PTPRT: variants seen among roughly 807,000 people sequenced by gnomAD.
PTPRT encodes the protein protein tyrosine phosphatase receptor type T.
PTPRT carries 56 observed loss-of-function variants against 176.8 expected under a neutral mutation model. That is an observed-to-expected ratio of 0.32 (90% CI 0.26 to 0.40). The LOEUF (loss-of-function observed/expected upper bound fraction) is 0.40, where lower values mean the gene tolerates loss of function less well. PTPRT is among the 10% of genes least tolerant of loss of function. PTPRT has a pLI of 1.00. For missense variants in PTPRT, 1,540 were observed against 1,908.2 expected (o/e 0.81, Z 3.60); for synonymous variants, 783 against 739.0 (o/e 1.06, Z -0.96).
intron 1 of PTPRT, among the ~76,000 whole-genome samples, chr20:42,935,711 C>A (rs1045671764): frequency 6.6e-6 from 1 of 152,142 alleles, no homozygotes; most frequent in Non-Finnish European, 1.5e-5. Flanking sequence ...CTAGTCCGGT[C>A]TAGTCTAGTC....
intron 9 of PTPRT, among the ~76,000 whole-genome samples, chr20:42,357,611 T>C (rs1235658642): frequency 6.6e-6 from 1 of 152,120 alleles, no homozygotes; most frequent in Non-Finnish European, 1.5e-5. Flanking sequence ...TGTCCATGAG[T>C]GGCTTTGGCT....
At chr20:42,914,653 C>CG (rs1978616504) in intron 1 of PTPRT, among the ~76,000 whole-genome samples, 1 of 152,100 alleles carries the variant, frequency 6.6e-6, no homozygotes, top group Admixed American at 6.5e-5. Flanking sequence ...GAAACACAAA[C>CG]GGATCAGTGC....
the PTPRT span, among the ~76,000 whole-genome samples, chr20:42,034,881 A>C: frequency 6.6e-6 from 1 of 152,176 alleles, no homozygotes; most frequent in African/African-American, 2.4e-5. Flanking sequence ...TGTGGGTCTT[A>C]AACCCTTCTG....
intron 11 of PTPRT, among the ~76,000 whole-genome samples, chr20:42,331,354 T>C (rs2057961510): frequency 6.6e-6 from 1 of 151,946 alleles, no homozygotes; most frequent in African/African-American, 2.4e-5. Context: ...CGCCTGGATG[T>C]CTCCCCTTGC....
intron 6 of PTPRT, among the ~76,000 whole-genome samples, chr20:42,682,941 G>C (rs566694540): frequency 6.6e-6 from 1 of 152,178 alleles, no homozygotes; most frequent in African/African-American, 2.4e-5. Flanking sequence ...GGAGCTGTGC[G>C]CATGTACTGT....
At chr20:42,200,967 T>C (rs893506020) in intron 15 of PTPRT, among the ~76,000 whole-genome samples, 1 of 152,200 alleles carries the variant, frequency 6.6e-6, no homozygotes, top group Non-Finnish European at 1.5e-5. Context: ...ATGAAACAGA[T>C]AGTTTCAAGA....
At chr20:42,047,592 T>C in the PTPRT span, among the ~76,000 whole-genome samples, 2 of 152,208 alleles carry the variant, frequency 1.3e-5, no homozygotes, top group Non-Finnish European at 2.9e-5. Context: ...ATACTGGCAT[T>C]CAGGTATATT....
At chr20:42,042,757 A>T in the PTPRT span, among the ~76,000 whole-genome samples, 2 of 152,190 alleles carry the variant, frequency 1.3e-5, no homozygotes, top group Non-Finnish European at 2.9e-5. Context: ...GTGTTTTCAG[A>T]TCTACTCAAT....
At chr20:42,680,792 G>A (rs1292528220) in intron 6 of PTPRT, among the ~76,000 whole-genome samples, 4 of 152,148 alleles carry the variant, frequency 2.6e-5, no homozygotes, top group African/African-American at 9.7e-5. Context: ...CTTTCCAAAT[G>A]GTTAGCTTCT....
chr20:42,612,405 A>T (rs1259254378), intron 7 of PTPRT, among the ~76,000 whole-genome samples: 1 of 152,140 alleles, frequency 6.6e-6, no homozygotes, highest in East Asian at 1.9e-4. Context: ...TCTGTGAGTC[A>T]CAGCCTCAAC....
In PTPRT at chr20:42,547,981, A is replaced by G. The variant is rs62203773; in HGVS notation, c.1154-75419T>C. On this transcript the variant is annotated intron_variant, in intron 7 of 30. Coordinates refer to ENST00000373187, the MANE Select transcript of PTPRT (RefSeq NM_007050.6). Reference sequence around the variant, plus strand: ...AAAGATACCATATACTATGATAACAAAAACTATAATATGTTTAAGAATCAA... The same window carrying G: ...AAAGATACCATATACTATGATAACAGAAACTATAATATGTTTAAGAATCAA... Among the ~76,000 whole-genome samples the G allele has an allele frequency of 3.5e-3, 533 of 152,194 alleles. 4 individuals are homozygous for G. Among genetic ancestry groups the G allele is most frequent in the Middle Eastern group, 6.8e-3 (2 of 294 alleles).
chr20:42,512,915 A>G (rs2071984626), intron 7 of PTPRT, among the ~76,000 whole-genome samples: 1 of 152,032 alleles, frequency 6.6e-6, no homozygotes, highest in African/African-American at 2.4e-5. Flanking sequence ...ACTGGAGTGC[A>G]ATGGCATGAT....
intron 7 of PTPRT, among the ~76,000 whole-genome samples, chr20:42,514,002 C>T (rs908572226): frequency 2.6e-5 from 4 of 152,156 alleles, no homozygotes; most frequent in Non-Finnish European, 4.4e-5. Flanking sequence ...CCCCATTGAG[C>T]GTAAATATGA....
intron 1 of PTPRT, among the ~76,000 whole-genome samples, chr20:42,911,875 T>A (rs1337550116): frequency 6.6e-6 from 1 of 151,998 alleles, no homozygotes; most frequent in Admixed American, 6.6e-5. Flanking sequence ...TACATTACAG[T>A]ATCAGAAATA....
chr20:42,681,048 A>T (rs1311780539), intron 6 of PTPRT, among the ~76,000 whole-genome samples: 1 of 152,164 alleles, frequency 6.6e-6, no homozygotes, highest in African/African-American at 2.4e-5. Flanking sequence ...TGATCCATTG[A>T]TTCATAATTG....
At chr20:42,558,524 G>A (rs1177828525) in intron 7 of PTPRT, among the ~76,000 whole-genome samples, 1 of 152,004 alleles carries the variant, frequency 6.6e-6, no homozygotes, top group Non-Finnish European at 1.5e-5. Flanking sequence ...CTGTTTTTAG[G>A]TCTTTGAGGA....
At chr20:42,686,533 G>T (rs1446474709) in intron 6 of PTPRT, among the ~76,000 whole-genome samples, 1 of 128,972 alleles carries the variant, frequency 7.8e-6, no homozygotes, top group Non-Finnish European at 1.6e-5. Context: ...ACCCAGGCTG[G>T]AGTGCAGTGG....
intron 2 of PTPRT, among the ~76,000 whole-genome samples, chr20:42,832,170 C>T (rs1420615131): frequency 6.6e-6 from 1 of 152,150 alleles, no homozygotes; most frequent in Non-Finnish European, 1.5e-5. Flanking sequence ...ACATATACAC[C>T]ATGGAATACA....
At chr20:42,351,846 G>C (rs3746537) in intron 10 of PTPRT, among the ~76,000 whole-genome samples, 107,953 of 151,606 alleles carry the variant, frequency 0.71, 38,563 homozygotes, top group East Asian at 0.9. Context: ...TTTAATGCAA[G>C]CCTGTGGGAA....
Sources: gnomAD v4.1 joint callset for allele counts (sites outside exome capture counted in the v4.1 genomes callset) on GRCh38, gnomAD v4.1.1 for gene constraint, MANE v1.5 for transcripts, NCBI Gene and HGNC (gene_info 2026-07-23, HGNC 2026-07-21) for gene names.